SLC6A16: variants seen among roughly 807,000 people sequenced by gnomAD.
SLC6A16 encodes orphan sodium- and chloride-dependent neurotransmitter transporter NTT5.
In SLC6A16, 54 loss-of-function variants were observed where a neutral mutation model predicts 65.4. The observed-to-expected ratio is 0.83, with a 90% CI of 0.66 to 1.04. The LOEUF (loss-of-function observed/expected upper bound fraction) is 1.04. Ranked by LOEUF, SLC6A16 falls within the 50% of genes least tolerant of loss-of-function variation. The pLI is 0.00. For synonymous variants in SLC6A16, 330 were observed against 346.5 expected, an observed-to-expected ratio of 0.95 and a Z score of 0.53; for missense variants, 816 against 914.0, an observed-to-expected ratio of 0.89 and a Z score of 1.38.
At chr19:49,322,700 T>C (rs1001789980) in intron 1 of SLC6A16, among the ~76,000 whole-genome samples, 1 of 148,596 alleles carries the variant, frequency 6.7e-6, no homozygotes, top group African/African-American at 2.5e-5. Flanking sequence ...CTACAAAACA[T>C]TGCTGAAAAA....
intron 1 of SLC6A16, among the ~76,000 whole-genome samples, chr19:49,313,072 C>CAAAAAAAAAAAAAAAAAAAAAAAAAAA (rs5828385): frequency 7.3e-5 from 7 of 95,814 alleles, no homozygotes; most frequent in African/African-American, 3.7e-4. Context: ...AACCCTGTCT[C>CAAAAAAAAAAAAAAAAAAAAAAAAAAA]AAAAAAAAAA....
chr19:49,309,508 G>C (rs945362064), intron 5 of SLC6A16, 97 bp from the exon 6 acceptor site: 15 of 1,274,050 alleles, frequency 1.2e-5, no homozygotes, highest in Non-Finnish European at 1.5e-5. Flanking sequence ...ATGAGTAGGA[G>C]TTAGAAGAAA....
chr19:49,313,020 T>C (rs541335984), intron 1 of SLC6A16, among the ~76,000 whole-genome samples: 16 of 141,114 alleles, frequency 1.1e-4, no homozygotes, highest in African/African-American at 4.6e-4. Flanking sequence ...GAGGCGGAGG[T>C]TGCAATGAGC....
Position 49,293,775 on chromosome 19 carries a change from G to A in SLC6A16, c.1618+52C>T, listed in dbSNP as rs1952573689. 4.6e-6 allele frequency: 7 copies of A among 1,509,784 alleles called. No homozygotes were observed. The South Asian group carries it at 6.8e-5, about 15-fold the overall frequency. 93.5% of individuals were successfully genotyped at this position (1,509,784 alleles called of 1,614,324 possible). ...ACCCTGTCCCAAAAAAAGAGTCCCA[G>A]TGGTGTCAGGGGTCAGGGTCATTGT... On this transcript the variant is annotated intron_variant, in intron 9 of 11. Coordinates refer to ENST00000335875, the MANE Select transcript of SLC6A16 (RefSeq NM_014037.3).
rs1970143256 is a variant in SLC6A16 at position 49,294,393 on chromosome 19, A to G, written c.1390T>C (p.Cys464Arg). 1 of 1,613,898 alleles carries G rather than the reference A, an allele frequency of 6.2e-7. No homozygotes were observed. The highest frequency in any genetic ancestry group is 1.3e-5 in the African/African-American group (1 of 74,870). Residue 464 changes from cysteine to arginine, a missense_variant, in exon 8 of 12, where the codon TGC (cysteine) becomes CGC (arginine). Physicochemically the swap from Cys to Arg is radical, Grantham distance 180. Transcript: ENST00000335875. ...TTAAGAAACTGAGTCTCTATGTTGC[A>G]CTCAGTCACCTCGCGGAGAACCATG... Reference protein sequence around the residue: ...KSMVLREVTECNIETQFLKAS... With the variant: ...KSMVLREVTERNIETQFLKAS...
At chr19:49,337,113 G>C in the SLC6A16 span, 1 of 1,614,098 alleles carries the variant, frequency 6.2e-7, no homozygotes, top group Non-Finnish European at 8.5e-7. Flanking sequence ...GGTTGCAGGG[G>C]TGGTCAGCCT....
chr19:49,303,743 A>C (rs929819813), intron 7 of SLC6A16, among the ~76,000 whole-genome samples: 1 of 152,182 alleles, frequency 6.6e-6, no homozygotes, highest in Admixed American at 6.5e-5. Flanking sequence ...GATTTATACA[A>C]GTGATAAGGT....
chr19:49,339,569 G>T, the SLC6A16 span: 1 of 1,456,286 alleles, frequency 6.9e-7, no homozygotes. The surrounding 1 kb of genome is among the most constrained non-coding windows in gnomAD (Gnocchi z 4.5). Flanking sequence ...CGGAGGGTGG[G>T]GGCGGCCCAG....
chr19:49,312,358 C>T (rs1600642072), intron 1 of SLC6A16, among the ~76,000 whole-genome samples: 1 of 152,136 alleles, frequency 6.6e-6, no homozygotes, highest in East Asian at 1.9e-4. Context: ...AGATGCCTTC[C>T]CTGTCCACCT....
At chr19:49,295,241 A>C (rs1044062743) in intron 7 of SLC6A16, among the ~76,000 whole-genome samples, 2 of 152,062 alleles carry the variant, frequency 1.3e-5, no homozygotes, top group African/African-American at 2.4e-5. Flanking sequence ...TCAGCTGGGC[A>C]TGGTGGCACG....
chr19:49,321,364 T>C (rs1271347956), intron 1 of SLC6A16, among the ~76,000 whole-genome samples: 1 of 145,862 alleles, frequency 6.9e-6, no homozygotes, highest in Admixed American at 6.8e-5. Context: ...TAAAGGAAAA[T>C]ACGGCTGGGC....
At chr19:49,315,562 G>A (rs1431465043) in intron 1 of SLC6A16, among the ~76,000 whole-genome samples, 1 of 152,168 alleles carries the variant, frequency 6.6e-6, no homozygotes, top group Non-Finnish European at 1.5e-5. Flanking sequence ...GGAGGCTGAG[G>A]CAGGAGATGT....
In SLC6A16 at chr19:49,310,115, A is replaced by T. The variant is rs573107444; in HGVS notation, c.625T>A (p.Phe209Ile). The T allele has an allele frequency of 3.1e-6, 5 of 1,614,124 alleles. No individual in the cohort carries two copies. The highest frequency in any genetic ancestry group is 2.2e-5 in the South Asian group (2 of 91,088). The part of the protein sequence containing the change: ...YFNVVNSWII[F>I]YMSQSFQFPV... ...AACTGGAAGGACTGGCTCATGTAGAAGATGATCCAGGAATTGACCACATTG... is the reference window on the plus strand; with the variant it reads ...AACTGGAAGGACTGGCTCATGTAGATGATGATCCAGGAATTGACCACATTG... Residue 209 changes from phenylalanine (F) to isoleucine (I), a missense_variant, in exon 4 of 12, where the codon TTC becomes ATC. Transcript: ENST00000335875.
intron 1 of SLC6A16, among the ~76,000 whole-genome samples, chr19:49,314,086 A>C (rs751034789): frequency 1.1e-5 from 1 of 88,670 alleles, no homozygotes; most frequent in South Asian, 4.2e-4. Context: ...ACAGAGTGAG[A>C]CTCCGTCTCA....
intron 2 of SLC6A16, among the ~76,000 whole-genome samples, chr19:49,310,731 A>G (rs1970503196): frequency 6.6e-6 from 1 of 152,234 alleles, no homozygotes; most frequent in Non-Finnish European, 1.5e-5. Context: ...TCTTGGGCCC[A>G]GGCCTCCAGC....
At chr19:49,329,634 T>A (rs1343833364), upstream of SLC6A16, among the ~76,000 whole-genome samples, 1 of 141,378 alleles carries the variant, frequency 7.1e-6, no homozygotes, top group Admixed American at 7.0e-5. Context: ...TTTTTTTTTT[T>A]TTTTTTTTTT....
chr19:49,300,413 A>G (rs1970266768), intron 7 of SLC6A16, among the ~76,000 whole-genome samples: 1 of 152,210 alleles, frequency 6.6e-6, no homozygotes, highest in Admixed American at 6.5e-5. Context: ...AGAGTTTTGG[A>G]GCCCTTATCT....
chr19:49,339,829 C>A, the SLC6A16 span: 2 of 1,337,752 alleles, frequency 1.5e-6, no homozygotes, highest in Non-Finnish European at 9.6e-7. This position sits in a 1 kb window ranked among gnomAD's most constrained non-coding sequence, Gnocchi z 4.5. Flanking sequence ...GGGTGCCTGC[C>A]CCAACTGGGG....
chr19:49,293,276 G>C lies in SLC6A16; in HGVS notation c.1725C>G (p.Ile575Met). 6.2e-7 allele frequency: 1 copy of C among 1,614,130 alleles called. No homozygotes were observed. The highest frequency in any genetic ancestry group is 8.5e-7 in the Non-Finnish European group (1 of 1,180,020). ...LSDYWIVFPI[I>M]VVVVFETMAV... Reference sequence around the variant, plus strand: ...CCATGGTTTCAAATACGACAACGACGATGATGGGGAAGACTATCCAGTAGT... The same window carrying C: ...CCATGGTTTCAAATACGACAACGACCATGATGGGGAAGACTATCCAGTAGT... Residue 575 changes from isoleucine (I) to methionine (M), a missense_variant, in exon 10 of 12, where the codon ATC becomes ATG. Ile to Met is a conservative substitution (Grantham distance 10). Transcript: ENST00000335875.
Sources: allele counts gnomAD v4.1 joint callset (sites outside exome capture counted in the v4.1 genomes callset), GRCh38; gene constraint gnomAD v4.1.1; non-coding constraint Gnocchi (gnomAD v3.1); transcripts MANE v1.5; gene names NCBI Gene and HGNC (gene_info 2026-07-23, HGNC 2026-07-21).